Variants in DRICH1 observed in about 807,000 individuals in gnomAD.
DRICH1 encodes aspartate-rich protein 1.
In DRICH1, 38 loss-of-function variants were observed where a neutral mutation model predicts 39.5. That is an observed-to-expected ratio of 0.96 (90% CI 0.74 to 1.26). The LOEUF (loss-of-function observed/expected upper bound fraction) is 1.26, where lower values mean the gene tolerates loss of function less well. DRICH1 is among the 50% of genes most tolerant of loss of function. The probability of loss-of-function intolerance (pLI) is 0.00; values close to 1 mark genes in which losing one functional copy is unlikely to be tolerated. For missense variants in DRICH1, 279 were observed against 270.4 expected (o/e 1.03, Z -0.22); for synonymous variants, 84 against 99.5 (o/e 0.84, Z 0.93).
downstream of DRICH1, among the ~76,000 whole-genome samples, chr22:23,607,544 G>GC (rs1040999864): frequency 1.3e-5 from 2 of 151,070 alleles, no homozygotes; most frequent in African/African-American, 4.9e-5. Flanking sequence ...GGGGCGGGGG[G>GC]GGGCCTCTTG....
chr22:23,584,099 G>A, the DRICH1 span, among the ~76,000 whole-genome samples: 1 of 152,210 alleles, frequency 6.6e-6, no homozygotes, highest in Non-Finnish European at 1.5e-5. Flanking sequence ...TGGGGACCCT[G>A]CGGGGCTGGG....
chr22:23,582,824 G>A, the DRICH1 span, among the ~76,000 whole-genome samples: 10 of 152,084 alleles, frequency 6.6e-5, no homozygotes, highest in Non-Finnish European at 5.9e-5. Context: ...GCCTCCCAAA[G>A]AGCTGGGATT....
Position 23,608,986 on chromosome 22 carries a change from G to A in DRICH1, c.686-218C>T, listed in dbSNP as rs899240107. ...GGAACACAGCCTATGTTGGGACCTA[G>A]AAGTCCTGAGCCCCACACCCTTGCC... is the stretch of plus-strand genomic sequence containing the variant. On this transcript the variant is annotated intron_variant, in intron 11 of 11. Transcript: ENST00000317749. 3.3e-5 allele frequency among the ~76,000 whole-genome samples: 5 copies of A among 152,184 alleles called. 1 individual carries two copies. The highest frequency in any genetic ancestry group is 1.2e-4 in the African/African-American group (5 of 41,440).
chr22:23,630,232 C>T (rs1569098024), intron 1 of DRICH1, among the ~76,000 whole-genome samples: 1 of 152,184 alleles, frequency 6.6e-6, no homozygotes, highest in Non-Finnish European at 1.5e-5. Flanking sequence ...ACTTATAGGC[C>T]ATCCACTACC....
At chr22:23,615,975 T>C (rs1386545979) in intron 8 of DRICH1, among the ~76,000 whole-genome samples, 2 of 152,232 alleles carry the variant, frequency 1.3e-5, no homozygotes, top group Non-Finnish European at 2.9e-5. Context: ...ATGTTGACAG[T>C]GTGCTCAAGG....
chr22:23,598,363 T>C, the DRICH1 span, among the ~76,000 whole-genome samples: 1 of 149,856 alleles, frequency 6.7e-6, no homozygotes, highest in Non-Finnish European at 1.5e-5. Flanking sequence ...AGGGTCCCCG[T>C]GGGCCTGGCA....
chr22:23,600,449 T>C, the DRICH1 span, among the ~76,000 whole-genome samples: 1 of 152,190 alleles, frequency 6.6e-6, no homozygotes, highest in African/African-American at 2.4e-5. Flanking sequence ...AGGGCCTGCA[T>C]GAACAGAAGC....
the DRICH1 span, among the ~76,000 whole-genome samples, chr22:23,596,236 C>G: frequency 9.9e-5 from 15 of 152,130 alleles, no homozygotes; most frequent in Admixed American, 9.8e-4. Flanking sequence ...CGGGTCCAAC[C>G]TCAGGGGTGC....
chr22:23,619,311 G>A (rs1418682537), intron 6 of DRICH1, 53 bp downstream of exon 6: 1 of 777,520 alleles, frequency 1.3e-6, no homozygotes, highest in Non-Finnish European at 2.4e-6. Context: ...TCATGGATAG[G>A]AAGACTCAGC....
chr22:23,595,276 C>T, the DRICH1 span, among the ~76,000 whole-genome samples: 23 of 148,766 alleles, frequency 1.5e-4, no homozygotes, highest in South Asian at 4.2e-3. Flanking sequence ...GGTGAAAGTT[C>T]GTGTGTATTC....
the DRICH1 span, among the ~76,000 whole-genome samples, chr22:23,582,555 C>CTTATTAT: frequency 1.4e-5 from 2 of 143,872 alleles, no homozygotes; most frequent in African/African-American, 2.6e-5. Context: ...CCTTCAGGGG[C>CTTATTAT]TTATTATTAT....
At chr22:23,614,794 C>T (rs1927255463) in intron 8 of DRICH1, among the ~76,000 whole-genome samples, 1 of 151,168 alleles carries the variant, frequency 6.6e-6, no homozygotes, top group African/African-American at 2.5e-5. Context: ...TCTGGAACAA[C>T]TTCTACACAC....
At chr22:23,628,278 A>C (rs780203102) in intron 1 of DRICH1, among the ~76,000 whole-genome samples, 5 of 152,176 alleles carry the variant, frequency 3.3e-5, no homozygotes, top group Non-Finnish European at 5.9e-5. Context: ...CAGTTGATAC[A>C]CACGTCAGCC....
chr22:23,622,388 T>C lies in DRICH1; in HGVS notation c.299-212A>G, dbSNP rs1171327939. Among the ~76,000 whole-genome samples the C allele has an allele frequency of 2.6e-5, 4 of 152,186 alleles. No individual in the cohort carries two copies. The East Asian group carries it at 7.7e-4, about 29-fold the overall frequency. ...AGGCCTTGGCCTTGTACTAGAGGCA[T>C]CATGCAGCAACACAAAACAGTCAAC... On this transcript the variant is annotated intron_variant, in intron 3 of 11. Coordinates refer to ENST00000317749, the MANE Select transcript of DRICH1 (RefSeq NM_016449.4).
intron 5 of DRICH1, 106 bp from the exon 6 acceptor site, chr22:23,619,499 T>G (rs1927582353): frequency 1.4e-6 from 1 of 730,620 alleles, no homozygotes; most frequent in Non-Finnish European, 2.5e-6. Flanking sequence ...TGCACATTCA[T>G]GAGATTGAAA....
chr22:23,602,466 C>T, the DRICH1 span, among the ~76,000 whole-genome samples: 3 of 152,348 alleles, frequency 2.0e-5, no homozygotes, highest in African/African-American at 7.2e-5. Flanking sequence ...AGGTGGGTCA[C>T]TTGGGGCCAG....
At chr22:23,622,016 G>A in intron 4 of DRICH1, 75 bp downstream of exon 4, 1 of 1,387,706 alleles carries the variant, frequency 7.2e-7, no homozygotes, top group Non-Finnish European at 1.0e-6. Flanking sequence ...CCATTCTTTG[G>A]GATTGGACTG....
chr22:23,591,942 A>AGGGG, the DRICH1 span, among the ~76,000 whole-genome samples: 4,679 of 152,076 alleles, frequency 0.031, 79 homozygotes, highest in Middle Eastern at 0.068. Context: ...AGGGGTGTGG[A>AGGGG]GGGGGAGCAG....
intron 11 of DRICH1, among the ~76,000 whole-genome samples, chr22:23,611,477 C>A (rs113206937): frequency 6.6e-6 from 1 of 151,138 alleles, no homozygotes; most frequent in Admixed American, 6.6e-5. Context: ...CTGCAAACTC[C>A]GCCTCCCAGG....
Sources: gnomAD v4.1 joint callset for allele counts (sites outside exome capture counted in the v4.1 genomes callset) on GRCh38, gnomAD v4.1.1 for gene constraint, MANE v1.5 for transcripts, NCBI Gene and HGNC (gene_info 2026-07-23, HGNC 2026-07-21) for gene names.